HS6ST3: variants seen among roughly 807,000 people sequenced by gnomAD.
HS6ST3 encodes heparan-sulfate 6-O-sulfotransferase 3.
HS6ST3 carries 12 observed loss-of-function variants against 36.7 expected under a neutral mutation model. That is an observed-to-expected ratio of 0.33 (90% CI 0.21 to 0.53). The LOEUF (loss-of-function observed/expected upper bound fraction) is 0.53. Ranked by LOEUF, HS6ST3 falls within the 20% of genes least tolerant of loss-of-function variation. HS6ST3 has a pLI of 0.95. For missense variants in HS6ST3, 584 were observed against 640.9 expected, an observed-to-expected ratio of 0.91 and a Z score of 0.96; for synonymous variants, 240 against 257.5, an observed-to-expected ratio of 0.93 and a Z score of 0.65.
At chr13:96,809,598 G>A (rs749605635) in intron 1 of HS6ST3, among the ~76,000 whole-genome samples, 13 of 152,178 alleles carry the variant, frequency 8.5e-5, no homozygotes, top group Non-Finnish European at 1.5e-4. Flanking sequence ...CTGTACAGAG[G>A]AGCAGCAGAC....
At chr13:96,193,044 A>G (rs1210342978) in intron 1 of HS6ST3, among the ~76,000 whole-genome samples, 5 of 152,162 alleles carry the variant, frequency 3.3e-5, no homozygotes, top group Non-Finnish European at 7.3e-5. Context: ...TGCCAAGTCC[A>G]TGACTTCCTT....
chr13:96,818,183 G>A (rs180818935), intron 1 of HS6ST3, among the ~76,000 whole-genome samples: 156 of 152,310 alleles, frequency 1.0e-3, no homozygotes, highest in Non-Finnish European at 1.8e-3. Context: ...AGTTTAAACA[G>A]AACGAATTGA....
At chr13:96,275,877 G>A (rs1270292064) in intron 1 of HS6ST3, among the ~76,000 whole-genome samples, 1 of 147,098 alleles carries the variant, frequency 6.8e-6, no homozygotes, top group African/African-American at 2.5e-5. Context: ...TTTTGGTGGT[G>A]GTGGTTCTGA....
At chr13:96,184,221 A>AAAAAGAGAGAGAGAGAGAG (rs1555389928) in intron 1 of HS6ST3, among the ~76,000 whole-genome samples, 7 of 61,048 alleles carry the variant, frequency 1.1e-4, no homozygotes, top group African/African-American at 5.1e-4. Flanking sequence ...AAAAAAAAAA[A>AAAAAGAGAGAGAGAGAGAG]AGAGAGAGAG....
At chr13:96,668,476 A>G (rs568388793) in intron 1 of HS6ST3, among the ~76,000 whole-genome samples, 5 of 152,216 alleles carry the variant, frequency 3.3e-5, no homozygotes, top group African/African-American at 1.2e-4. Flanking sequence ...CTGCTGGCTC[A>G]CCTGCCCATA....
intron 1 of HS6ST3, among the ~76,000 whole-genome samples, chr13:96,314,338 G>A (rs1012050980): frequency 1.3e-5 from 2 of 152,102 alleles, no homozygotes; most frequent in African/African-American, 4.8e-5. Context: ...ACACACATAA[G>A]GCAGTTATCT....
At chr13:96,103,781 A>G (rs2053828447) in intron 1 of HS6ST3, among the ~76,000 whole-genome samples, 1 of 152,214 alleles carries the variant, frequency 6.6e-6, no homozygotes. Context: ...TGAAGTTGAA[A>G]ATATTCAAAA....
At chr13:96,336,936 A>G (rs1283489931) in intron 1 of HS6ST3, among the ~76,000 whole-genome samples, 1 of 152,214 alleles carries the variant, frequency 6.6e-6, no homozygotes, top group Non-Finnish European at 1.5e-5. Flanking sequence ...CCCAAAATTA[A>G]TAACTGTCCC....
rs2053763917 is a variant in HS6ST3, at chr13:96,091,456, C to T, written c.594C>T (p.Ser198=). The T allele has an allele frequency of 1.9e-6, 3 of 1,610,172 alleles. No homozygotes were observed. The highest frequency in any genetic ancestry group is 1.7e-5 in the Admixed American group (1 of 59,744). ...GCAAGAAGGAGACGTGGCTCTTCTC[C>T]CGCTTCTCCACCGGCTGGAGCTGCG... The part of the protein sequence containing the change: ...RPGKKETWLF[S]RFSTGWSCGL... The change falls in exon 1 of 2, where the codon TCC becomes TCT. Residue 198 remains serine, a synonymous_variant. Transcript: ENST00000376705.
chr13:96,346,865 G>A (rs2055157984), intron 1 of HS6ST3, among the ~76,000 whole-genome samples: 1 of 152,112 alleles, frequency 6.6e-6, no homozygotes, highest in Non-Finnish European at 1.5e-5. Context: ...TCACTTCCAT[G>A]ATTAGGTTAC....
At chr13:96,315,037 C>A (rs2054961389) in intron 1 of HS6ST3, among the ~76,000 whole-genome samples, 2 of 152,208 alleles carry the variant, frequency 1.3e-5, no homozygotes, top group South Asian at 4.1e-4. Flanking sequence ...GATGAACAGA[C>A]CTTACCTAAA....
At chr13:96,215,114 G>A (rs2054418274) in intron 1 of HS6ST3, among the ~76,000 whole-genome samples, 1 of 152,170 alleles carries the variant, frequency 6.6e-6, no homozygotes, top group Admixed American at 6.5e-5. Context: ...TGGTGATAAA[G>A]GCAGCTTGCT....
intron 1 of HS6ST3, among the ~76,000 whole-genome samples, chr13:96,283,544 C>T (rs1219802093): frequency 1.3e-5 from 2 of 152,112 alleles, no homozygotes; most frequent in African/African-American, 2.4e-5. Flanking sequence ...TCTCTGTGCA[C>T]CCCTACCCCT....
chr13:96,453,387 A>C (rs1211778681), intron 1 of HS6ST3, among the ~76,000 whole-genome samples: 1 of 152,100 alleles, frequency 6.6e-6, no homozygotes, highest in African/African-American at 2.4e-5. Flanking sequence ...CCACTTTGTA[A>C]GTCCATGTGT....
Position 96,718,134 on chromosome 13 carries a change from T to C in HS6ST3, c.708-114356T>C, listed in dbSNP as rs529565534. Among the ~76,000 whole-genome samples the C allele has an allele frequency of 3.3e-5, 5 of 152,342 alleles. No individual in the cohort carries two copies. The South Asian group carries it at 1.0e-3, about 32-fold the overall frequency. On this transcript the variant is annotated intron_variant, in intron 1 of 1. Transcript: ENST00000376705. ...CCCCAGTCTGGGTCAGCATCCCACCTAACATTTGCAAAGCACTCTGTAGTA... is the reference window on the plus strand; with the variant it reads ...CCCCAGTCTGGGTCAGCATCCCACCCAACATTTGCAAAGCACTCTGTAGTA...
intron 1 of HS6ST3, among the ~76,000 whole-genome samples, chr13:96,142,305 C>G (rs1459000211): frequency 6.6e-6 from 1 of 152,132 alleles, no homozygotes; most frequent in Non-Finnish European, 1.5e-5. Context: ...GGTAATTGTA[C>G]ATTTTTTCTC....
chr13:96,777,056 T>C (rs971344104), intron 1 of HS6ST3, among the ~76,000 whole-genome samples: 1 of 152,254 alleles, frequency 6.6e-6, no homozygotes. Flanking sequence ...TCAATAAATG[T>C]AATCCATCAC....
At chr13:96,388,668 A>G (rs2055380590) in intron 1 of HS6ST3, among the ~76,000 whole-genome samples, 2 of 152,282 alleles carry the variant, frequency 1.3e-5, no homozygotes, top group East Asian at 3.9e-4. Context: ...TTGAATTGTA[A>G]TTCCCTATAA....
intron 1 of HS6ST3, among the ~76,000 whole-genome samples, chr13:96,600,012 G>A (rs1159946747): frequency 2.0e-5 from 3 of 151,992 alleles, no homozygotes; most frequent in Non-Finnish European, 4.4e-5. Flanking sequence ...ATATAATTTT[G>A]ATTTTTAAAG....
Sources: gnomAD v4.1 joint callset for allele counts (sites outside exome capture counted in the v4.1 genomes callset) on GRCh38, gnomAD v4.1.1 for gene constraint, MANE v1.5 for transcripts, NCBI Gene and HGNC (gene_info 2026-07-23, HGNC 2026-07-21) for gene names.